LARP4B: variants seen among roughly 807,000 people sequenced by gnomAD.
The protein encoded by LARP4B is La ribonucleoprotein 4B, also known as la-related protein 4B.
LARP4B carries 12 observed loss-of-function variants against 89.8 expected under a neutral mutation model. The observed-to-expected ratio is 0.13, with a 90% confidence interval of 0.09 to 0.22. The LOEUF (loss-of-function observed/expected upper bound fraction) is 0.22, where lower values mean the gene tolerates loss of function less well. Among genes scored for constraint, LARP4B ranks in the 10% least tolerant of loss-of-function variants. The probability of loss-of-function intolerance (pLI) is 1.00; values close to 1 mark genes in which losing one functional copy is unlikely to be tolerated. For synonymous variants in LARP4B, 367 were observed against 363.3 expected, an observed-to-expected ratio of 1.01 and a Z score of -0.12; for missense variants, 757 against 947.7, an observed-to-expected ratio of 0.80 and a Z score of 2.64.
At chr10:937,698 A>G in the LARP4B span, among the ~76,000 whole-genome samples, 1 of 152,140 alleles carries the variant, frequency 6.6e-6, no homozygotes, top group African/African-American at 2.4e-5. Context: ...CATTCTGCAA[A>G]TGACCCATAA....
the LARP4B span, among the ~76,000 whole-genome samples, chr10:964,310 C>G: frequency 5.3e-5 from 8 of 152,210 alleles, no homozygotes; most frequent in African/African-American, 1.7e-4. Context: ...CGTGATCTGC[C>G]CGCCTCGGCC....
the LARP4B span, among the ~76,000 whole-genome samples, chr10:962,481 G>T: frequency 6.6e-6 from 1 of 152,042 alleles, no homozygotes; most frequent in African/African-American, 2.4e-5. Flanking sequence ...CAAGGGAGAG[G>T]TCAAGGCTTA....
At chr10:856,855 G>C (rs550280938) in intron 5 of LARP4B, among the ~76,000 whole-genome samples, 10 of 152,252 alleles carry the variant, frequency 6.6e-5, no homozygotes, top group African/African-American at 2.4e-4. Context: ...CAACTTGCTG[G>C]GGTTTAATCA....
At chr10:972,363 AG>A in the LARP4B span, 1 of 406,082 alleles carries the variant, frequency 2.5e-6, no homozygotes, top group Non-Finnish European at 4.8e-6. Flanking sequence ...CACCAGGGGA[AG>A]GCCCTCACCA....
At chr10:956,081 G>A in the LARP4B span, among the ~76,000 whole-genome samples, 34 of 149,346 alleles carry the variant, frequency 2.3e-4, no homozygotes, top group South Asian at 4.3e-4. The surrounding 1 kb of genome is among the most constrained non-coding windows in gnomAD (Gnocchi z 4.3). Flanking sequence ...CCAGGTTTCC[G>A]GCTAATCCAC....
Position 810,467 on chromosome 10 carries a change from GTGGCGAC to G in LARP4B, c.*2452_*2458del, listed in dbSNP as rs1206376836. The G allele has an allele frequency of 6.6e-6, 1 of 152,244 alleles. No individual in the cohort carries two copies. Among genetic ancestry groups the G allele is most frequent in the East Asian group, 1.9e-4 (1 of 5,198 alleles). The allele number at this position is 152,244 out of a possible 1,614,324, so 9.4% of individuals were successfully genotyped here. On this transcript the variant is annotated 3_prime_UTR_variant, in exon 18 of 18. Transcript: ENST00000316157. ...GACCGGAGGGCAGCAGAGCCCTCCA[GTGGCGAC>G]TGGCTAATGCACGCGCTGCCCTCCT...
the LARP4B span, among the ~76,000 whole-genome samples, chr10:974,828 C>A: frequency 4.6e-5 from 7 of 152,256 alleles, no homozygotes; most frequent in African/African-American, 1.7e-4. Context: ...TGGAGCTCCA[C>A]AACATTCAAC....
the LARP4B span, chr10:942,141 A>AT: frequency 1.3e-5 from 2 of 152,138 alleles, no homozygotes; most frequent in Admixed American, 1.3e-4. Flanking sequence ...ATTTGAGCAC[A>AT]TTTTCATGTT....
At chr10:936,865 T>A in the LARP4B span, among the ~76,000 whole-genome samples, 1 of 152,122 alleles carries the variant, frequency 6.6e-6, no homozygotes, top group African/African-American at 2.4e-5. Flanking sequence ...GGTGGAAGTA[T>A]TAAAATGAAG....
chr10:984,720 C>A, the LARP4B span, among the ~76,000 whole-genome samples: 1 of 152,268 alleles, frequency 6.6e-6, no homozygotes, highest in Admixed American at 6.5e-5. Context: ...CCAAACAATT[C>A]ATGACCAGCC....
intron 1 of LARP4B, among the ~76,000 whole-genome samples, chr10:922,584 T>C (rs1837009423): frequency 6.6e-6 from 1 of 151,910 alleles, no homozygotes; most frequent in African/African-American, 2.4e-5. Context: ...GGAGGATCAC[T>C]GGAGCTCAGA....
At chr10:951,433 A>T in the LARP4B span, among the ~76,000 whole-genome samples, 1 of 152,086 alleles carries the variant, frequency 6.6e-6, no homozygotes, top group South Asian at 2.1e-4. Flanking sequence ...CTGTAATCCC[A>T]ACTCGAGAGG....
chr10:922,093 G>A (rs1424639865), intron 1 of LARP4B, among the ~76,000 whole-genome samples: 3 of 152,110 alleles, frequency 2.0e-5, no homozygotes, highest in African/African-American at 4.8e-5. Flanking sequence ...GGGGTGGGGG[G>A]TGGTGAGGAG....
chr10:896,187 T>C (rs1051450644), intron 1 of LARP4B, among the ~76,000 whole-genome samples: 1 of 152,254 alleles, frequency 6.6e-6, no homozygotes, highest in African/African-American at 2.4e-5. Context: ...CAATGTGTGG[T>C]GTAGGCATAG....
intron 1 of LARP4B, among the ~76,000 whole-genome samples, chr10:894,485 G>C (rs1836129895): frequency 1.3e-5 from 2 of 152,204 alleles, no homozygotes; most frequent in Admixed American, 1.3e-4. Flanking sequence ...TGTAAGAACT[G>C]TGTTTGGATC....
At chr10:872,220 A>C (rs1195880488) in intron 3 of LARP4B, among the ~76,000 whole-genome samples, 1 of 152,244 alleles carries the variant, frequency 6.6e-6, no homozygotes, top group Admixed American at 6.5e-5. Flanking sequence ...TTTGCTTCAC[A>C]AGGTGCATGG....
intron 1 of LARP4B, among the ~76,000 whole-genome samples, chr10:915,462 T>C (rs1281873940): frequency 6.6e-6 from 1 of 152,242 alleles, no homozygotes; most frequent in East Asian, 1.9e-4. Context: ...GTCGTCTTTT[T>C]AGGTCTTTTG....
At chr10:945,452 C>T in the LARP4B span, among the ~76,000 whole-genome samples, 116 of 151,058 alleles carry the variant, frequency 7.7e-4, no homozygotes, top group African/African-American at 2.1e-3. Flanking sequence ...TTTGGGAGGC[C>T]AAGGCGGGTG....
Position 833,887 on chromosome 10 carries a change from C to CA in LARP4B, c.750+2515dup, listed in dbSNP as rs34834355. Among the ~76,000 whole-genome samples the CA allele has an allele frequency of 5.8e-3, 434 of 74,900 alleles. 1 individual carries two copies. The highest frequency in any genetic ancestry group is 0.011 in the East Asian group (21 of 1,838). 49.1% of individuals were successfully genotyped at this position (74,900 alleles called of 152,430 possible). A position where few individuals can be genotyped will look rare whatever the true frequency, so the allele number is the denominator to read the frequency against. On this transcript the variant is annotated intron_variant, in intron 8 of 17. Transcript: ENST00000316157. ...CTGGCAACAGAGCAAGATGCCACCT[C>CA]AAAAAAAAAAAAAAAAAAGACAGAA...
Sources: gnomAD v4.1 joint callset for allele counts (sites outside exome capture counted in the v4.1 genomes callset) on GRCh38, gnomAD v4.1.1 for gene constraint, Gnocchi (gnomAD v3.1) non-coding constraint, MANE v1.5 for transcripts, NCBI Gene and HGNC (gene_info 2026-07-23, HGNC 2026-07-21) for gene names.